Variants in ZFR observed in about 807,000 individuals in gnomAD.
The protein encoded by ZFR is zinc finger RNA binding protein, also known as zinc finger RNA-binding protein.
A neutral mutation model predicts 130.7 loss-of-function variants in ZFR; 19 were observed. The ratio of observed to expected loss-of-function variants is 0.15; its 90% CI spans 0.10 to 0.21. The LOEUF is 0.21. Ranked by LOEUF, ZFR falls within the 10% of genes least tolerant of loss-of-function variation. The pLI, the probability that ZFR is intolerant of heterozygous loss-of-function variation, is 1.00. For synonymous variants in ZFR, 466 were observed against 456.9 expected (o/e 1.02, Z -0.25); for missense variants, 872 against 1,321.5 (o/e 0.66, Z 5.27).
chr5:32,413,140 G>A (rs1753746801), intron 5 of ZFR, among the ~76,000 whole-genome samples: 2 of 152,124 alleles, frequency 1.3e-5, no homozygotes, highest in African/African-American at 2.4e-5. Context: ...AGTGAGCCAA[G>A]CTGGTACCAC....
rs1270188953 is a variant in ZFR, at chr5:32,355,485, G to A, written c.*275C>T. On this transcript the variant is annotated 3_prime_UTR_variant, in exon 20 of 20. Transcript: ENST00000265069. ...TTAATAAAAGACACAAAAATAGGGGGGGAAGCTAGGGCAACCAGAAAATAA... is the reference window on the plus strand; with the variant it reads ...TTAATAAAAGACACAAAAATAGGGGAGGAAGCTAGGGCAACCAGAAAATAA... 8.7e-6 allele frequency: 2 copies of A among 230,774 alleles called. No homozygotes were observed. Among genetic ancestry groups the A allele is most frequent in the Non-Finnish European group, 1.7e-5 (2 of 120,838 alleles). The allele number at this position is 230,774 out of a possible 1,614,324, so 14.3% of individuals were successfully genotyped here.
chr5:32,432,980 C>T (rs1207859200), intron 2 of ZFR, among the ~76,000 whole-genome samples: 1 of 151,874 alleles, frequency 6.6e-6, no homozygotes, highest in Non-Finnish European at 1.5e-5. Context: ...GATCCTCCCG[C>T]TTCAGCCTCC....
chr5:32,417,538 A>T, intron 4 of ZFR, 110 bp downstream of exon 4: 2 of 1,380,316 alleles, frequency 1.4e-6, no homozygotes, highest in Non-Finnish European at 2.0e-6. Context: ...CTGCCTCCTA[A>T]GATGATGTGA....
chr5:32,420,364 T>C (rs1753923751), intron 2 of ZFR, among the ~76,000 whole-genome samples: 1 of 152,094 alleles, frequency 6.6e-6, no homozygotes, highest in Non-Finnish European at 1.5e-5. Context: ...TTTCAGATCA[T>C]AGATTGTATC....
At chr5:32,383,123 T>G (rs2111717023) in intron 15 of ZFR, among the ~76,000 whole-genome samples, 1 of 152,268 alleles carries the variant, frequency 6.6e-6, no homozygotes, top group African/African-American at 2.4e-5. Flanking sequence ...CACTCAACCA[T>G]TTAAAAACTA....
At chr5:32,405,112 C>T (rs1013326960) in intron 6 of ZFR, among the ~76,000 whole-genome samples, 5 of 152,192 alleles carry the variant, frequency 3.3e-5, no homozygotes, top group African/African-American at 1.2e-4. Context: ...ATTATATGTT[C>T]ATCATACAAT....
intron 2 of ZFR, among the ~76,000 whole-genome samples, chr5:32,433,451 C>A (rs1372654533): frequency 2.6e-5 from 4 of 152,178 alleles, no homozygotes; most frequent in African/African-American, 2.4e-5. Context: ...GCCCACCTCA[C>A]AAATGCTGAC....
intron 17 of ZFR, among the ~76,000 whole-genome samples, chr5:32,377,822 G>T (rs1752858267): frequency 6.6e-6 from 1 of 152,092 alleles, no homozygotes; most frequent in African/African-American, 2.4e-5. Context: ...CTCCCGAGTA[G>T]CTTGGATTAC....
At position 32,428,419 on chromosome 5, in the gene ZFR, A is replaced by G. The variant is rs1005230223; in HGVS notation, c.138-8316T>C. On this transcript the variant is annotated intron_variant, in intron 2 of 19. Coordinates refer to ENST00000265069, the MANE Select transcript of ZFR (RefSeq NM_016107.5). ...ACAGAGAGAGTCTGTCTCAAAAAAA[A>G]AGAAATTAGTCTAGCCTGTAGGTAC... Among the ~76,000 whole-genome samples, 5 of 152,280 alleles carry G rather than the reference A, an allele frequency of 3.3e-5. No homozygotes were observed. In the East Asian group the frequency reaches 5.8e-4, roughly 18 times the overall value.
chr5:32,397,613 C>A (rs894663550), intron 9 of ZFR, among the ~76,000 whole-genome samples: 1 of 152,068 alleles, frequency 6.6e-6, no homozygotes, highest in Admixed American at 6.6e-5. Flanking sequence ...AACACCACCA[C>A]GACCGGCTAA....
chr5:32,383,722 C>G (rs1321992873), intron 15 of ZFR: 2 of 456,386 alleles, frequency 4.4e-6, no homozygotes, highest in Non-Finnish European at 8.8e-6. Flanking sequence ...GATTTTAAGA[C>G]ACAGAGCACT....
intron 2 of ZFR, among the ~76,000 whole-genome samples, chr5:32,424,912 G>GA (rs1754040319): frequency 1.3e-5 from 2 of 152,264 alleles, no homozygotes; most frequent in East Asian, 3.9e-4. Context: ...GTGAAGTAGG[G>GA]AAAGAGAAGG....
At chr5:32,391,522 ACT>A (rs1450777016) in intron 11 of ZFR, among the ~76,000 whole-genome samples, 2 of 105,224 alleles carry the variant, frequency 1.9e-5, no homozygotes, top group African/African-American at 6.6e-5. Context: ...TGCGAAATCT[ACT>A]CTTTTTTTTT....
At chr5:32,440,695 CAT>C (rs1025005951) in intron 2 of ZFR, among the ~76,000 whole-genome samples, 15 of 151,610 alleles carry the variant, frequency 9.9e-5, no homozygotes, top group African/African-American at 2.9e-4. Flanking sequence ...AAAAAAATTC[CAT>C]AGTTTATGGG....
In ZFR at chr5:32,380,183, T is replaced by C. The variant is rs1312309792; in HGVS notation, c.2642-11A>G. On this transcript the variant is annotated splice_polypyrimidine_tract_variant and intron_variant, in intron 15 of 19. Coordinates refer to ENST00000265069, the MANE Select transcript of ZFR (RefSeq NM_016107.5). The stretch of plus-strand genomic sequence containing the variant: ...TACCCGAGGTTACATCTAAAATGGA[T>C]TGAATTGGCAAAATGCAGTGAGGAA... 1 of 1,610,778 alleles carries C rather than the reference T, an allele frequency of 6.2e-7. No individual in the cohort carries two copies. The highest frequency in any genetic ancestry group is 8.5e-7 in the Non-Finnish European group (1 of 1,177,162).
At chr5:32,406,733 T>C in intron 6 of ZFR, 41 bp downstream of exon 6, 2 of 1,575,630 alleles carry the variant, frequency 1.3e-6, no homozygotes, top group South Asian at 1.2e-5. Flanking sequence ...CTACACTTAA[T>C]AACCACTGAA....
chr5:32,368,320 C>T lies in ZFR; in HGVS notation c.2836-4045G>A, dbSNP rs186481354. 7.2e-5 allele frequency among the ~76,000 whole-genome samples: 11 copies of T among 152,342 alleles called. No individual in the cohort carries two copies. The East Asian group carries it at 2.1e-3, about 29-fold the overall frequency. ...GCGTGATCTCAGCTCACCGCAACCTCCACCTCCCAGGTTCAAGCGGTTCTC... is the reference window on the plus strand; with the variant it reads ...GCGTGATCTCAGCTCACCGCAACCTTCACCTCCCAGGTTCAAGCGGTTCTC... On this transcript the variant is annotated intron_variant, in intron 17 of 19. Coordinates refer to ENST00000265069, the MANE Select transcript of ZFR (RefSeq NM_016107.5).
intron 17 of ZFR, among the ~76,000 whole-genome samples, chr5:32,366,068 T>G (rs1752540742): frequency 1.3e-5 from 2 of 152,210 alleles, no homozygotes; most frequent in Admixed American, 1.3e-4. Context: ...AGGTCAGTGT[T>G]ACTCATCTTG....
chr5:32,364,092 T>A (rs1384699283), intron 18 of ZFR, 47 bp from the exon 19 acceptor site: 2 of 1,598,926 alleles, frequency 1.3e-6, no homozygotes, highest in Non-Finnish European at 1.7e-6. Flanking sequence ...ATTGTCCACT[T>A]ATAAAAAAAA....
Sources: allele counts gnomAD v4.1 joint callset (sites outside exome capture counted in the v4.1 genomes callset), GRCh38; gene constraint gnomAD v4.1.1; transcripts MANE v1.5; gene names NCBI Gene and HGNC (gene_info 2026-07-23, HGNC 2026-07-21).